The following LMF1 variants were observed in gnomAD, a reference collection of about 807,000 sequenced individuals.
The protein encoded by LMF1 is lipase maturation factor 1.
LMF1 carries 68 observed loss-of-function variants against 60.6 expected under a neutral mutation model. The observed-to-expected ratio is 1.12, with a 90% confidence interval of 0.92 to 1.37. LMF1 has a LOEUF of 1.37. LMF1 is among the 40% of genes most tolerant of loss of function. The pLI is 0.00. For missense variants in LMF1, 948 were observed against 767.2 expected (o/e 1.24, Z -2.78); for synonymous variants, 418 against 324.7 (o/e 1.29, Z -3.09).
intron 10 of LMF1, among the ~76,000 whole-genome samples, chr16:856,408 C>G (rs2069186063): frequency 6.6e-6 from 1 of 152,200 alleles, no homozygotes; most frequent in Non-Finnish European, 1.5e-5. Context: ...GTGCGGGCAG[C>G]ATGGTCCCTG....
chr16:941,124 T>C (rs1367232686), intron 2 of LMF1, among the ~76,000 whole-genome samples: 1 of 152,230 alleles, frequency 6.6e-6, no homozygotes, highest in East Asian at 1.9e-4. Context: ...TATATTTATG[T>C]AGTCTATCCT....
At chr16:922,016 G>C (rs2071445139) in intron 3 of LMF1, among the ~76,000 whole-genome samples, 2 of 152,152 alleles carry the variant, frequency 1.3e-5, no homozygotes, top group Non-Finnish European at 2.9e-5. Context: ...CTGGAAACCA[G>C]CGTTCCCCCA....
rs1308799568 is a variant in LMF1, at chr16:854,397, T to C, written c.*135A>G. Reference sequence around the variant, plus strand: ...CAACAGACCCCACCCTGGACCCCCGTGCTGGGGGCTGGGTCCCACCGCTCT... The same window carrying C: ...CAACAGACCCCACCCTGGACCCCCGCGCTGGGGGCTGGGTCCCACCGCTCT... On this transcript the variant is annotated 3_prime_UTR_variant, in exon 11 of 11. Transcript: ENST00000262301. 1.1e-6 allele frequency: 1 copy of C among 917,832 alleles called. No homozygotes were observed. The highest frequency in any genetic ancestry group is 1.6e-5 in the African/African-American group (1 of 60,976). The allele number at this position is 917,832 out of a possible 1,614,324, so 56.9% of individuals were successfully genotyped here. A position where few individuals can be genotyped will look rare whatever the true frequency, so the allele number is the denominator to read the frequency against.
At chr16:954,299 T>C (rs767211596) in intron 2 of LMF1, 58 bp downstream of exon 2, 4 of 1,519,232 alleles carry the variant, frequency 2.6e-6, no homozygotes, top group East Asian at 2.4e-5. Context: ...ACACCTGCAG[T>C]GCCTGTGCTG....
chr16:857,162 C>G (rs1431460896), intron 10 of LMF1, among the ~76,000 whole-genome samples: 2 of 152,250 alleles, frequency 1.3e-5, no homozygotes, highest in East Asian at 1.9e-4. Context: ...TGCGGTCGCT[C>G]TCTTGTGGAA....
chr16:882,139 T>A (rs531576109), intron 5 of LMF1, among the ~76,000 whole-genome samples: 1 of 152,288 alleles, frequency 6.6e-6, no homozygotes, highest in African/African-American at 2.4e-5. Flanking sequence ...GAACCCCCAC[T>A]TCCCACCAAG....
At chr16:896,389 C>T (rs540656268) in intron 4 of LMF1, among the ~76,000 whole-genome samples, 7 of 152,342 alleles carry the variant, frequency 4.6e-5, no homozygotes, top group South Asian at 2.1e-4. Flanking sequence ...ATGCCCTGTG[C>T]CCCCAACGAC....
intron 3 of LMF1, among the ~76,000 whole-genome samples, chr16:929,726 T>C (rs2071715636): frequency 6.6e-6 from 1 of 152,238 alleles, no homozygotes; most frequent in Non-Finnish European, 1.5e-5. Flanking sequence ...CAGCTCTATC[T>C]AAACTCCAGC....
chr16:957,840 CACAG>C (rs2072739622), intron 1 of LMF1, among the ~76,000 whole-genome samples: 1 of 152,142 alleles, frequency 6.6e-6, no homozygotes, highest in East Asian at 1.9e-4. Context: ...AAGGCAACTA[CACAG>C]ACAAAGAGCA....
chr16:890,664 G>A (rs532631831), intron 5 of LMF1, among the ~76,000 whole-genome samples: 5 of 152,340 alleles, frequency 3.3e-5, no homozygotes, highest in African/African-American at 1.2e-4. Flanking sequence ...CAGAAGCTCA[G>A]CCATGTGGGC....
chr16:971,954 G>A (rs1445326116), upstream of LMF1, among the ~76,000 whole-genome samples: 2 of 152,216 alleles, frequency 1.3e-5, no homozygotes, highest in Non-Finnish European at 2.9e-5. Context: ...TTGTTTTCAT[G>A]TATTCTTCTC....
intron 5 of LMF1, among the ~76,000 whole-genome samples, chr16:880,900 C>G (rs2070144483): frequency 6.6e-6 from 1 of 152,224 alleles, no homozygotes; most frequent in African/African-American, 2.4e-5. Context: ...TGTGGAGGGG[C>G]CTGCCCGCAT....
chr16:947,944 AATG>A (rs1277391332), intron 2 of LMF1, among the ~76,000 whole-genome samples: 4 of 151,502 alleles, frequency 2.6e-5, no homozygotes, highest in African/African-American at 9.7e-5. Flanking sequence ...AGAGTCAGCC[AATG>A]ACAGAGTCAG....
At chr16:893,741 C>T (rs2070566314) in intron 4 of LMF1, among the ~76,000 whole-genome samples, 1 of 152,068 alleles carries the variant, frequency 6.6e-6, no homozygotes, top group African/African-American at 2.4e-5. Context: ...GGCTCCCACA[C>T]CCGTCTGCTT....
rs1439963463 is a variant in LMF1 at position 878,489 on chromosome 16, C to T, written c.897+1081G>A. Among the ~76,000 whole-genome samples the T allele has an allele frequency of 6.6e-6, 1 of 152,136 alleles. No individual in the cohort carries two copies. Among genetic ancestry groups the T allele is most frequent in the Admixed American group, 6.5e-5 (1 of 15,278 alleles). On this transcript the variant is annotated intron_variant, in intron 6 of 10. Transcript: ENST00000262301. This position sits in a 1 kb window ranked among gnomAD's most constrained non-coding sequence, Gnocchi z 5.2. ...CACAGGCCTGCTCACGATACAGTAGCGCCCTTGAAAATACATCCACAGGAT... is the reference window on the plus strand; with the variant it reads ...CACAGGCCTGCTCACGATACAGTAGTGCCCTTGAAAATACATCCACAGGAT...
chr16:924,479 A>C (rs2071536538), intron 3 of LMF1, among the ~76,000 whole-genome samples: 1 of 152,210 alleles, frequency 6.6e-6, no homozygotes, highest in Non-Finnish European at 1.5e-5. Context: ...ATCAAAGTTG[A>C]GAAACAAAAG....
upstream of LMF1, among the ~76,000 whole-genome samples, chr16:975,170 C>T (rs1054299923): frequency 5.3e-5 from 8 of 152,150 alleles, no homozygotes; most frequent in South Asian, 2.1e-4. Flanking sequence ...CTACAGGTCA[C>T]GAGTGTTCCC....
chr16:931,712 C>T (rs1394213371), intron 3 of LMF1: 18 of 1,287,194 alleles, frequency 1.4e-5, no homozygotes, highest in African/African-American at 3.0e-5. Context: ...CATGGCTGCT[C>T]GGAAGGCAGG....
intron 4 of LMF1, among the ~76,000 whole-genome samples, chr16:896,837 T>C (rs2151736486): frequency 6.6e-6 from 1 of 152,370 alleles, no homozygotes; most frequent in South Asian, 2.1e-4. Flanking sequence ...CTTAAAAATC[T>C]GAAAAATTCT....
Sources: allele counts gnomAD v4.1 joint callset (sites outside exome capture counted in the v4.1 genomes callset), GRCh38; gene constraint gnomAD v4.1.1; non-coding constraint Gnocchi (gnomAD v3.1); transcripts MANE v1.5; gene names NCBI Gene and HGNC (gene_info 2026-07-23, HGNC 2026-07-21).